Variants in SHISA6 observed in about 807,000 individuals in gnomAD.
SHISA6 encodes shisa family member 6.
A neutral mutation model predicts 47.9 loss-of-function variants in SHISA6; 22 were observed. The observed-to-expected ratio is 0.46, with a 90% confidence interval of 0.33 to 0.66. SHISA6 has a LOEUF of 0.66. SHISA6 is among the 30% of genes least tolerant of loss of function. The pLI is 0.02. For missense variants in SHISA6, 680 were observed against 764.6 expected (o/e 0.89, Z 1.30); for synonymous variants, 388 against 337.8 (o/e 1.15, Z -1.63).
intron 3 of SHISA6, among the ~76,000 whole-genome samples, chr17:11,426,246 T>C (rs966188962): frequency 4.6e-5 from 7 of 152,226 alleles, no homozygotes; most frequent in Non-Finnish European, 1.0e-4. Context: ...ATTCTAAGCA[T>C]AGAAAGGGGC....
intron 2 of SHISA6, among the ~76,000 whole-genome samples, chr17:11,298,195 A>T (rs1351031108): frequency 6.6e-6 from 1 of 152,220 alleles, no homozygotes; most frequent in Non-Finnish European, 1.5e-5. Context: ...TAGAGCTTGG[A>T]CTTGAACCTG....
chr17:11,521,444 T>A (rs1306639647), intron 3 of SHISA6, among the ~76,000 whole-genome samples: 1 of 152,088 alleles, frequency 6.6e-6, no homozygotes, highest in East Asian at 1.9e-4. Flanking sequence ...GGCTATAAAG[T>A]TTTAGAAACT....
chr17:11,282,691 T>G (rs1909164329), intron 2 of SHISA6, among the ~76,000 whole-genome samples: 1 of 152,184 alleles, frequency 6.6e-6, no homozygotes, highest in Non-Finnish European at 1.5e-5. Flanking sequence ...GAATGCTGGT[T>G]TCCAGCTTCA....
intron 3 of SHISA6, among the ~76,000 whole-genome samples, chr17:11,411,365 C>T (rs1914111406): frequency 6.6e-6 from 1 of 151,864 alleles, no homozygotes; most frequent in Non-Finnish European, 1.5e-5. Context: ...TTTGAAGGCC[C>T]ACATATTTAT....
chr17:11,492,369 G>A (rs995567023), intron 3 of SHISA6, among the ~76,000 whole-genome samples: 4 of 152,160 alleles, frequency 2.6e-5, no homozygotes, highest in Non-Finnish European at 5.9e-5. Context: ...TGACCAGCAA[G>A]CTACCCAAGC....
chr17:11,332,841 T>A (rs946481809), intron 2 of SHISA6, among the ~76,000 whole-genome samples: 2 of 152,064 alleles, frequency 1.3e-5, no homozygotes, highest in African/African-American at 4.8e-5. Context: ...ACCCGTCATG[T>A]GATATTCCAC....
intron 3 of SHISA6, among the ~76,000 whole-genome samples, chr17:11,443,652 AAG>A (rs1915153324): frequency 6.6e-6 from 1 of 152,172 alleles, no homozygotes; most frequent in African/African-American, 2.4e-5. Context: ...TGAGGATTGA[AAG>A]AGATTAAGTC....
At chr17:11,501,097 C>T (rs1183107148) in intron 3 of SHISA6, among the ~76,000 whole-genome samples, 2 of 151,180 alleles carry the variant, frequency 1.3e-5, no homozygotes, top group Non-Finnish European at 2.9e-5. Context: ...AATTATTAAT[C>T]TCTAATGCTT....
chr17:11,504,064 C>T (rs2071477576), intron 3 of SHISA6, among the ~76,000 whole-genome samples: 1 of 152,106 alleles, frequency 6.6e-6, no homozygotes, highest in East Asian at 1.9e-4. Flanking sequence ...TGAGTTATTA[C>T]CAAAAAGCAG....
intron 3 of SHISA6, among the ~76,000 whole-genome samples, chr17:11,406,241 C>A (rs1913955658): frequency 6.6e-6 from 1 of 152,182 alleles, no homozygotes; most frequent in Non-Finnish European, 1.5e-5. Context: ...CACATCCCCT[C>A]TATCTTCCAC....
At chr17:11,477,951 G>A (rs1208728502) in intron 3 of SHISA6, among the ~76,000 whole-genome samples, 9 of 131,452 alleles carry the variant, frequency 6.8e-5, no homozygotes, top group Admixed American at 8.2e-5. Flanking sequence ...GGGATGGCTG[G>A]GTCAAATGGT....
rs778331945 is a variant in SHISA6 at position 11,350,182 on chromosome 17, A to AT, written c.800-29217dup. On this transcript the variant is annotated intron_variant, in intron 2 of 5. Coordinates refer to ENST00000441885, the MANE Select transcript of SHISA6 (RefSeq NM_207386.4). ...AATTTATTTATTTATTTATTTATTT[A>AT]TTTTTTTTTTTTTTTGAGACGGAGT... is the stretch of plus-strand genomic sequence containing the variant. Among the ~76,000 whole-genome samples, 198 of 116,266 alleles carry AT rather than the reference A, an allele frequency of 1.7e-3. 7 individuals are homozygous for AT. The highest frequency in any genetic ancestry group is 7.6e-3 in the South Asian group (26 of 3,400). The allele number at this position is 116,266 out of a possible 152,430, so 76.3% of individuals were successfully genotyped here. A position where few individuals can be genotyped will look rare whatever the true frequency, so the allele number is the denominator to read the frequency against.
chr17:11,347,739 G>A (rs993122500), intron 2 of SHISA6, among the ~76,000 whole-genome samples: 5 of 152,128 alleles, frequency 3.3e-5, no homozygotes, highest in South Asian at 4.1e-4. Context: ...ACCTACCTAC[G>A]AACAAGGAAG....
chr17:11,550,203 T>C (rs1334955713), intron 3 of SHISA6, among the ~76,000 whole-genome samples: 1 of 152,128 alleles, frequency 6.6e-6, no homozygotes, highest in Non-Finnish European at 1.5e-5. Context: ...TACAGGCACA[T>C]GCCACCCCAT....
intron 3 of SHISA6, among the ~76,000 whole-genome samples, chr17:11,500,086 G>A (rs956152018): frequency 2.6e-5 from 4 of 152,182 alleles, no homozygotes; most frequent in Admixed American, 2.0e-4. Flanking sequence ...CCAGGCAGAG[G>A]CCAGAGATGA....
At position 11,338,423 on chromosome 17, in the gene SHISA6, A is replaced by G. The variant is rs144121235; in HGVS notation, c.800-40991A>G. 3.9e-3 allele frequency among the ~76,000 whole-genome samples: 590 copies of G among 152,168 alleles called. 2 individuals carry two copies. Among genetic ancestry groups the G allele is most frequent in the African/African-American group, 0.014 (567 of 41,504 alleles). ...TTTTTTTGTTTGTTTGTTTTTTGAG[A>G]TGGAGTCTCGCTCTGTCACCCAGGC... On this transcript the variant is annotated intron_variant, in intron 2 of 5. Transcript: ENST00000441885.
intron 2 of SHISA6, among the ~76,000 whole-genome samples, chr17:11,268,378 C>G (rs557024187): frequency 2.9e-4 from 44 of 152,088 alleles, no homozygotes; most frequent in Non-Finnish European, 5.3e-4. Flanking sequence ...CCCATCCCCC[C>G]ACGCCTCTCT....
At chr17:11,469,124 T>C (rs921528081) in intron 3 of SHISA6, among the ~76,000 whole-genome samples, 1 of 149,308 alleles carries the variant, frequency 6.7e-6, no homozygotes, top group Admixed American at 6.7e-5. Flanking sequence ...CCCTCTGTGG[T>C]AGCAAAATAA....
intron 3 of SHISA6, among the ~76,000 whole-genome samples, chr17:11,418,271 A>G (rs1914344815): frequency 6.6e-6 from 1 of 152,126 alleles, no homozygotes; most frequent in African/African-American, 2.4e-5. Flanking sequence ...CTTGGCTGGA[A>G]CTGTGCTGTC....
Sources: gnomAD v4.1 joint callset for allele counts (sites outside exome capture counted in the v4.1 genomes callset) on GRCh38, gnomAD v4.1.1 for gene constraint, MANE v1.5 for transcripts, NCBI Gene and HGNC (gene_info 2026-07-23, HGNC 2026-07-21) for gene names.